GALNT3: variants seen among roughly 807,000 people sequenced by gnomAD.
GALNT3 encodes GalNAc transferase 3.
In GALNT3, 51 loss-of-function variants were observed where a neutral mutation model predicts 69.8. That is an observed-to-expected ratio of 0.73 (90% CI 0.58 to 0.92). The LOEUF (loss-of-function observed/expected upper bound fraction) is 0.92, where lower values mean the gene tolerates loss of function less well. Among genes scored for constraint, GALNT3 ranks in the 40% least tolerant of loss-of-function variants. The pLI, the probability that GALNT3 is intolerant of heterozygous loss-of-function variation, is 0.00. For synonymous variants in GALNT3, 265 were observed against 248.5 expected (o/e 1.07, Z -0.63); for missense variants, 711 against 760.0 (o/e 0.94, Z 0.76).
rs755236349 is a variant in GALNT3 at position 165,770,125 on chromosome 2, C to T, written c.515+61G>A. The T allele has an allele frequency of 2.5e-6, 4 of 1,593,496 alleles. No individual in the cohort carries two copies. In the Admixed American group the frequency reaches 5.0e-5, roughly 20 times the overall value. On this transcript the variant is annotated intron_variant, in intron 2 of 10. Transcript: ENST00000392701. ...AAAAACAGATAACTTCCTTAGCTCA[C>T]CCCTCTCTCCCCTGCAAAGCCTGGT...
At position 165,748,855 on chromosome 2, in the gene GALNT3, C is replaced by T. The variant is rs375108704; in HGVS notation, c.1828G>A (p.Gly610Arg). The change falls in exon 11 of 11, where the codon GGA (glycine) becomes AGA (arginine). Residue 610 changes from glycine to arginine, a missense_variant. Transcript: ENST00000392701. ...PFLKMCLSAN[G>R]EHPSLVSCNP... ...CATGACACTAAACTTGGATGCTCTC[C>T]ATTTGCTGAAAGGCACATTTTTAAG... 16 of 1,611,476 alleles carry T rather than the reference C, an allele frequency of 9.9e-6. No individual in the cohort carries two copies. The highest frequency in any genetic ancestry group is 1.4e-5 in the Non-Finnish European group (16 of 1,178,396).
At chr2:165,758,684 G>T (rs1201709184) in intron 6 of GALNT3, 63 bp downstream of exon 6, 2 of 1,064,996 alleles carry the variant, frequency 1.9e-6, no homozygotes, top group South Asian at 1.3e-5. Flanking sequence ...TGTACCAGCC[G>T]ATTAGAACAC....
chr2:165,788,617 G>C (rs1057030588), intron 1 of GALNT3, among the ~76,000 whole-genome samples: 6 of 151,764 alleles, frequency 4.0e-5, no homozygotes, highest in Admixed American at 3.9e-4. Flanking sequence ...TGGGTGAGGG[G>C]ACACAGTTTC....
At chr2:165,767,868 TC>T (rs569833646) in intron 2 of GALNT3, among the ~76,000 whole-genome samples, 2,549 of 116,436 alleles carry the variant, frequency 0.022, 28 homozygotes, top group South Asian at 0.052. Context: ...AAAAAACAAA[TC>T]TTTTTTTTTT....
chr2:165,753,881 T>C (rs1294604921), intron 9 of GALNT3, among the ~76,000 whole-genome samples: 1 of 152,198 alleles, frequency 6.6e-6, no homozygotes, highest in Non-Finnish European at 1.5e-5. Context: ...ACAAAATTAA[T>C]TTATAATGCT....
chr2:165,785,069 A>T (rs933073887), intron 1 of GALNT3, among the ~76,000 whole-genome samples: 1 of 152,212 alleles, frequency 6.6e-6, no homozygotes, highest in South Asian at 2.1e-4. Flanking sequence ...TCTCTATAAA[A>T]GCATCAATCA....
At chr2:165,761,548 A>T (rs1038267411) in intron 4 of GALNT3, among the ~76,000 whole-genome samples, 1 of 147,628 alleles carries the variant, frequency 6.8e-6, no homozygotes, top group Non-Finnish European at 1.5e-5. Context: ...TTCACTTTAA[A>T]GTGTGGGAAT....
rs1256962839 is a variant in GALNT3 at position 165,794,073 on chromosome 2, G to T, written c.-167C>A. On this transcript the variant is annotated 5_prime_UTR_variant, in exon 1 of 11. Transcript: ENST00000392701. ...GGCGGCCGGGCAGGCGCTGGACGTG[G>T]GCTAGGCGCCAGGTGCAGGTGGCGG... 2.0e-5 allele frequency: 3 copies of T among 152,668 alleles called. No homozygotes were observed. The highest frequency in any genetic ancestry group is 4.4e-5 in the Non-Finnish European group (3 of 68,414). 9.5% of individuals were successfully genotyped at this position (152,668 alleles called of 1,614,324 possible).
intron 2 of GALNT3, among the ~76,000 whole-genome samples, chr2:165,768,652 T>C (rs1178417000): frequency 6.6e-6 from 1 of 152,170 alleles, no homozygotes; most frequent in Non-Finnish European, 1.5e-5. Flanking sequence ...GTATTGATAA[T>C]CCTAAATCTA....
At chr2:165,778,461 A>G (rs1683022210) in intron 1 of GALNT3, among the ~76,000 whole-genome samples, 1 of 152,222 alleles carries the variant, frequency 6.6e-6, no homozygotes, top group African/African-American at 2.4e-5. Flanking sequence ...ATCTGGTATT[A>G]AAAGAGGATT....
In GALNT3 at chr2:165,769,624, G is replaced by A. The variant is rs6741633; in HGVS notation, c.515+562C>T. On this transcript the variant is annotated intron_variant, in intron 2 of 10. Coordinates refer to ENST00000392701, the MANE Select transcript of GALNT3 (RefSeq NM_004482.4). Reference sequence around the variant, plus strand: ...CACAAAATTAGCCAGCTGTGGTGGCGGGCGCCTGTAATCCCAGCTACTTGG... The same window carrying A: ...CACAAAATTAGCCAGCTGTGGTGGCAGGCGCCTGTAATCCCAGCTACTTGG... 3.0e-3 allele frequency among the ~76,000 whole-genome samples: 458 copies of A among 151,050 alleles called. 4 individuals carry two copies. The highest frequency in any genetic ancestry group is 0.011 in the African/African-American group (433 of 41,144).
At chr2:165,777,632 A>T (rs1219108003) in intron 1 of GALNT3, among the ~76,000 whole-genome samples, 1 of 152,150 alleles carries the variant, frequency 6.6e-6, no homozygotes, top group Non-Finnish European at 1.5e-5. Context: ...ATTATGTTTA[A>T]GTTCATGTTT....
chr2:165,788,983 T>C (rs1295863660), intron 1 of GALNT3, among the ~76,000 whole-genome samples: 1 of 152,206 alleles, frequency 6.6e-6, no homozygotes, highest in Non-Finnish European at 1.5e-5. Flanking sequence ...TCTGCTGAGA[T>C]ACCAGGTAGG....
At chr2:165,792,491 G>A (rs1683374787) in intron 1 of GALNT3, among the ~76,000 whole-genome samples, 1 of 152,152 alleles carries the variant, frequency 6.6e-6, no homozygotes, top group Non-Finnish European at 1.5e-5. Flanking sequence ...AGTGGTGATT[G>A]AATTAATAAT....
chr2:165,758,711 T>A (rs765652967), intron 6 of GALNT3, 36 bp downstream of exon 6: 1 of 1,177,802 alleles, frequency 8.5e-7, no homozygotes, highest in South Asian at 1.2e-5. Flanking sequence ...TTTCATTGTT[T>A]AATATATCTG....
At chr2:165,756,211 C>T (rs940914477) in intron 7 of GALNT3, among the ~76,000 whole-genome samples, 5 of 152,156 alleles carry the variant, frequency 3.3e-5, no homozygotes, top group South Asian at 2.1e-4. Context: ...ATAAATACTC[C>T]ACCTTCCCTC....
rs1460809769 is a variant in GALNT3 at position 165,755,066 on chromosome 2, G to T, written c.1393-3C>A. The stretch of plus-strand genomic sequence containing the variant: ...TTTGAAAGATCACCAAATGCTTTCT[G>T]TAGAAACATGAGAAATGAAGGGAAT... On this transcript the variant is annotated splice_polypyrimidine_tract_variant and splice_region_variant and intron_variant, in intron 7 of 10. Coordinates refer to ENST00000392701, the MANE Select transcript of GALNT3 (RefSeq NM_004482.4). 6.2e-7 allele frequency: 1 copy of T among 1,610,050 alleles called. No individual in the cohort carries two copies. The highest frequency in any genetic ancestry group is 1.1e-5 in the South Asian group (1 of 90,994).
chr2:165,749,830 G>A lies in GALNT3; in HGVS notation c.1691C>T (p.Ala564Val), dbSNP rs377579661. 19 of 1,613,460 alleles carry A rather than the reference G, an allele frequency of 1.2e-5. No homozygotes were observed. Among genetic ancestry groups the A allele is most frequent in the Non-Finnish European group, 1.5e-5 (18 of 1,179,578 alleles). Residue 564 changes from alanine to valine, a missense_variant, in exon 10 of 11, where the codon GCT becomes GTT. Coordinates refer to ENST00000392701, the MANE Select transcript of GALNT3 (RefSeq NM_004482.4). Reference sequence around the variant, plus strand: ...CTTCAGCTGAACGAGACCTTGAGCAGCATGAAGACATAATTCCTTCTGGAT... The same window carrying A: ...CTTCAGCTGAACGAGACCTTGAGCAACATGAAGACATAATTCCTTCTGGAT... ...HNIQKELCLH[A>V]AQGLVQLKAC... is the part of the protein sequence containing the mutation.
chr2:165,754,784 T>A (rs1688416899), intron 8 of GALNT3, 56 bp from the exon 9 acceptor site: 1 of 1,402,560 alleles, frequency 7.1e-7, no homozygotes, highest in Non-Finnish European at 9.8e-7. Context: ...ATTTATATAT[T>A]TTTAAAATAA....
Sources: allele counts gnomAD v4.1 joint callset (sites outside exome capture counted in the v4.1 genomes callset), GRCh38; gene constraint gnomAD v4.1.1; transcripts MANE v1.5; gene names NCBI Gene and HGNC (gene_info 2026-07-23, HGNC 2026-07-21).